The following MARK3 variants were observed in gnomAD, a reference collection of about 807,000 sequenced individuals.
The protein encoded by MARK3 is microtubule affinity regulating kinase 3, also known as MAP/microtubule affinity-regulating kinase 3.
In MARK3, 46 loss-of-function variants were observed where a neutral mutation model predicts 90.1. The ratio of observed to expected loss-of-function variants is 0.51; its 90% CI spans 0.40 to 0.65. MARK3 has a LOEUF of 0.65. Ranked by LOEUF, MARK3 falls within the 30% of genes least tolerant of loss-of-function variation. MARK3 has a pLI of 0.00. For missense variants in MARK3, 818 were observed against 947.2 expected (o/e 0.86, Z 1.79); for synonymous variants, 321 against 332.6 (o/e 0.97, Z 0.38).
At chr14:103,416,791 A>G (rs2091962150) in intron 2 of MARK3, among the ~76,000 whole-genome samples, 2 of 152,110 alleles carry the variant, frequency 1.3e-5, no homozygotes, top group Admixed American at 1.3e-4. Flanking sequence ...AAGAAAGAAA[A>G]TAAAGTAAAG....
Position 103,465,739 on chromosome 14 carries a change from C to T in MARK3, c.723C>T (p.Val241=), listed in dbSNP as rs778715216. Residue 241 remains valine, a synonymous_variant, in exon 8 of 18, where the codon GTC becomes GTT. Transcript: ENST00000429436. ...GPEVDVWSLG[V]ILYTLVSGSL... ...AAGTGGATGTGTGGAGTCTGGGGGT[C>T]ATTTTATACACACTAGTCAGTGGCT... 22 of 1,613,928 alleles carry T rather than the reference C, an allele frequency of 1.4e-5. No homozygotes were observed. The highest frequency in any genetic ancestry group is 1.9e-5 in the Non-Finnish European group (22 of 1,180,040).
chr14:103,437,105 A>T (rs901816108), intron 3 of MARK3, among the ~76,000 whole-genome samples: 8 of 151,506 alleles, frequency 5.3e-5, no homozygotes, highest in Middle Eastern at 3.4e-3. Flanking sequence ...AAAAAAAAAA[A>T]TTGAGAATAA....
intron 17 of MARK3, 43 bp downstream of exon 17, chr14:103,500,243 A>G: frequency 6.9e-7 from 1 of 1,448,730 alleles, no homozygotes; most frequent in South Asian, 1.2e-5. Context: ...TCAGGTGTTT[A>G]CTTCATTTCT....
chr14:103,500,413 A>G (rs1595970150), intron 17 of MARK3, among the ~76,000 whole-genome samples: 1 of 152,320 alleles, frequency 6.6e-6, no homozygotes, highest in South Asian at 2.1e-4. Flanking sequence ...TGTTCAAAGC[A>G]CGGCGAGGCC....
At chr14:103,402,422 G>C (rs1344990440) in intron 1 of MARK3, among the ~76,000 whole-genome samples, 1 of 151,974 alleles carries the variant, frequency 6.6e-6, no homozygotes, top group Non-Finnish European at 1.5e-5. Flanking sequence ...GTATGGTGGC[G>C]CGCACCTGAG....
chr14:103,493,894 CT>C (rs2075163748), intron 15 of MARK3, among the ~76,000 whole-genome samples: 1 of 129,212 alleles, frequency 7.7e-6, no homozygotes, highest in African/African-American at 2.9e-5. Context: ...AAAAAAAAAA[CT>C]TTGAGTTTAT....
intron 3 of MARK3, among the ~76,000 whole-genome samples, chr14:103,433,999 A>G (rs2092654749): frequency 6.6e-6 from 1 of 152,128 alleles, no homozygotes; most frequent in South Asian, 2.1e-4. Flanking sequence ...TTCCCGTTTC[A>G]GCATGCCGTT....
intron 2 of MARK3, among the ~76,000 whole-genome samples, chr14:103,426,467 G>A (rs1042019537): frequency 2.0e-5 from 3 of 152,028 alleles, no homozygotes; most frequent in East Asian, 1.9e-4. Flanking sequence ...TCAGGGGTGG[G>A]TCTTCTGGGC....
intron 4 of MARK3, 128 bp from the exon 5 acceptor site, chr14:103,451,790 T>G: frequency 1.6e-6 from 1 of 629,628 alleles, no homozygotes; most frequent in Non-Finnish European, 2.8e-6. Flanking sequence ...AAAGCATTTT[T>G]TAGAGGGCCA....
chr14:103,403,207 A>G (rs1323583918), intron 1 of MARK3, among the ~76,000 whole-genome samples: 4 of 152,204 alleles, frequency 2.6e-5, no homozygotes, highest in Middle Eastern at 3.2e-3. Context: ...TTTGGCCAGT[A>G]GTATAAATTC....
chr14:103,386,463 TGA>T (rs2089807702), intron 1 of MARK3: 1 of 520,158 alleles, frequency 1.9e-6, no homozygotes, highest in South Asian at 1.6e-5. Flanking sequence ...AGGCAGTTCT[TGA>T]GAGACTGTCA....
intron 13 of MARK3, among the ~76,000 whole-genome samples, chr14:103,477,867 T>G (rs909674196): frequency 5.3e-5 from 8 of 152,010 alleles, no homozygotes; most frequent in African/African-American, 1.7e-4. Flanking sequence ...GATGCACACC[T>G]GTAGTACCAG....
At chr14:103,486,577 A>G (rs1344441252) in intron 14 of MARK3, among the ~76,000 whole-genome samples, 1 of 152,234 alleles carries the variant, frequency 6.6e-6, no homozygotes, top group Non-Finnish European at 1.5e-5. Context: ...AATAGGAAAT[A>G]AAACTATCAT....
At chr14:103,486,903 A>AGTTT (rs1159072925) in intron 14 of MARK3, among the ~76,000 whole-genome samples, 2 of 127,270 alleles carry the variant, frequency 1.6e-5, no homozygotes, top group Admixed American at 7.9e-5. Context: ...TATGTCAAAA[A>AGTTT]GTTTATTTAT....
At chr14:103,396,417 G>T (rs2090584021) in intron 1 of MARK3, among the ~76,000 whole-genome samples, 1 of 151,742 alleles carries the variant, frequency 6.6e-6, no homozygotes, top group African/African-American at 2.4e-5. Flanking sequence ...TTGTCTTGTG[G>T]CTTTTTTCCT....
intron 6 of MARK3, among the ~76,000 whole-genome samples, chr14:103,459,903 A>G (rs547863549): frequency 6.6e-6 from 1 of 151,980 alleles, no homozygotes; most frequent in East Asian, 1.9e-4. Flanking sequence ...AAAGGAAGGT[A>G]TGCCACACAC....
Position 103,385,792 on chromosome 14 carries a change from C to T in MARK3, c.-238C>T. The T allele has an allele frequency of 2.5e-6, 1 of 408,104 alleles. No homozygotes were observed. 25.3% of individuals were successfully genotyped at this position (408,104 alleles called of 1,614,324 possible). ...GCCCGCAGGCTCGGCTCCGCCACTG[C>T]CGCCCTCCCGGTCTCCTCGCCTCGG... On this transcript the variant is annotated 5_prime_UTR_variant, in exon 1 of 18. Coordinates refer to ENST00000429436, the MANE Select transcript of MARK3 (RefSeq NM_001128918.3).
chr14:103,491,438 C>T (rs966736702), intron 14 of MARK3: 4 of 234,738 alleles, frequency 1.7e-5, no homozygotes, highest in Non-Finnish European at 3.4e-5. Context: ...TTATTTCTTT[C>T]GTATTGGCAC....
In MARK3 at chr14:103,440,949, G is replaced by GA. The variant is rs71460678; in HGVS notation, c.298-7966dup. Among the ~76,000 whole-genome samples the GA allele has an allele frequency of 2.8e-5, 4 of 144,740 alleles. 1 individual carries two copies. The East Asian group carries it at 6.0e-4, about 22-fold the overall frequency. The allele number at this position is 144,740 out of a possible 152,430, so 95.0% of individuals were successfully genotyped here. ...GGAGCCCCTCTTAAAAAAAAAAAAAGAAAAGAAAAGAAAAATCTCATTATG... is the reference window on the plus strand; with the variant it reads ...GGAGCCCCTCTTAAAAAAAAAAAAAGAAAAAGAAAAGAAAAATCTCATTATG... On this transcript the variant is annotated intron_variant, in intron 3 of 17. Transcript: ENST00000429436.
Sources: gnomAD v4.1 joint callset for allele counts (sites outside exome capture counted in the v4.1 genomes callset) on GRCh38, gnomAD v4.1.1 for gene constraint, MANE v1.5 for transcripts, NCBI Gene and HGNC (gene_info 2026-07-23, HGNC 2026-07-21) for gene names.